DTNA: variants seen among roughly 807,000 people sequenced by gnomAD.
DTNA encodes dystrobrevin alpha, also known as dystrophin-related protein 3.
A neutral mutation model predicts 100.7 loss-of-function variants in DTNA; 43 were observed. That is an observed-to-expected ratio of 0.43 (90% CI 0.33 to 0.55). The LOEUF is 0.55. Among genes scored for constraint, DTNA ranks in the 20% least tolerant of loss-of-function variants. DTNA has a pLI of 0.04. For missense variants in DTNA, 798 were observed against 953.9 expected (o/e 0.84, Z 2.15); for synonymous variants, 349 against 347.9 (o/e 1.00, Z -0.04).
intron 1 of DTNA, among the ~76,000 whole-genome samples, chr18:34,583,355 C>T (rs531131709): frequency 6.6e-6 from 1 of 152,192 alleles, no homozygotes; most frequent in Admixed American, 6.5e-5. Flanking sequence ...CACACAACTG[C>T]TGAATTTGGT....
intron 1 of DTNA, among the ~76,000 whole-genome samples, chr18:34,609,358 C>A (rs964772726): frequency 7.9e-5 from 12 of 151,564 alleles, no homozygotes; most frequent in Non-Finnish European, 1.3e-4. Flanking sequence ...GATTCTCCTG[C>A]CTCAGCCTCC....
At chr18:34,764,738 C>T (rs554938188) in intron 2 of DTNA, among the ~76,000 whole-genome samples, 9 of 152,320 alleles carry the variant, frequency 5.9e-5, no homozygotes, top group African/African-American at 1.9e-4. Context: ...CTAATATAAT[C>T]GCTTCCAGGA....
intron 1 of DTNA, among the ~76,000 whole-genome samples, chr18:34,537,445 G>A (rs537820802): frequency 6.6e-6 from 1 of 151,652 alleles, no homozygotes; most frequent in African/African-American, 2.4e-5. Context: ...TAAGGAAATT[G>A]TATTGTATTA....
At chr18:34,593,375 C>T (rs2049958313) in intron 1 of DTNA, 1 of 152,194 alleles carries the variant, frequency 6.6e-6, no homozygotes, top group African/African-American at 2.4e-5. Flanking sequence ...GGATTTCATA[C>T]TCATAGCTCT....
At chr18:34,621,454 G>T (rs2056487542) in intron 1 of DTNA, among the ~76,000 whole-genome samples, 1 of 152,028 alleles carries the variant, frequency 6.6e-6, no homozygotes, top group Admixed American at 6.6e-5. Flanking sequence ...ATGGATGAAT[G>T]GATAAATGTG....
chr18:34,523,472 G>A (rs1281921437), intron 1 of DTNA, among the ~76,000 whole-genome samples: 4 of 152,238 alleles, frequency 2.6e-5, no homozygotes, highest in Non-Finnish European at 5.9e-5. Context: ...ATTAAAAAGT[G>A]TGCAGATTAC....
intron 1 of DTNA, among the ~76,000 whole-genome samples, chr18:34,612,075 C>T (rs1435989260): frequency 4.6e-5 from 7 of 152,202 alleles, no homozygotes; most frequent in Admixed American, 1.3e-4. Context: ...CCAGCTGACA[C>T]GGGCCACCGC....
chr18:34,592,103 C>T (rs1263534985), intron 1 of DTNA, among the ~76,000 whole-genome samples: 1 of 152,146 alleles, frequency 6.6e-6, no homozygotes, highest in Non-Finnish European at 1.5e-5. Context: ...ACCCTGAGCC[C>T]AGCCAGCTGA....
chr18:34,812,636 T>C (rs1443069403), intron 6 of DTNA, among the ~76,000 whole-genome samples: 1 of 152,028 alleles, frequency 6.6e-6, no homozygotes, highest in East Asian at 1.9e-4. Context: ...GAAAACAGCA[T>C]GGGGGAACCA....
intron 3 of DTNA, among the ~76,000 whole-genome samples, chr18:34,783,579 C>T (rs991251028): frequency 3.3e-5 from 5 of 152,184 alleles, no homozygotes; most frequent in East Asian, 1.9e-4. Context: ...AGCATAAAAA[C>T]GCCTAGTGAG....
At chr18:34,794,372 AC>A (rs1188885706) in intron 4 of DTNA, 122 bp downstream of exon 4, 1 of 1,091,082 alleles carries the variant, frequency 9.2e-7, no homozygotes, top group African/African-American at 1.6e-5. Flanking sequence ...CTTTTTTCTT[AC>A]AGTGGATGCT....
At chr18:34,770,421 A>G (rs1013924346) in intron 3 of DTNA, among the ~76,000 whole-genome samples, 6 of 152,166 alleles carry the variant, frequency 3.9e-5, no homozygotes. Context: ...TTTTTTATCT[A>G]TTATCTAAAT....
At chr18:34,842,695 C>A (rs2096291401) in intron 13 of DTNA, among the ~76,000 whole-genome samples, 1 of 152,180 alleles carries the variant, frequency 6.6e-6, no homozygotes, top group Non-Finnish European at 1.5e-5. Context: ...CATTTCACCC[C>A]TACTATATGC....
chr18:34,830,264 G>A (rs2095973793), intron 11 of DTNA, among the ~76,000 whole-genome samples: 1 of 151,598 alleles, frequency 6.6e-6, no homozygotes, highest in African/African-American at 2.4e-5. Context: ...GTCAGTATAG[G>A]GCAGCACCGA....
chr18:34,534,320 T>G (rs2043462769), intron 1 of DTNA, among the ~76,000 whole-genome samples: 3 of 152,210 alleles, frequency 2.0e-5, no homozygotes, highest in Admixed American at 1.3e-4. Flanking sequence ...TCACTTAAAA[T>G]AGTATTTTTT....
rs755754845 is a variant in DTNA, at chr18:34,890,253, G to A, written c.*2519G>A. ...CATTGCAAGGACTCTGGAAACTGCC[G>A]CCAATGACCAATTTCTGACTAACCA... On this transcript the variant is annotated 3_prime_UTR_variant, in exon 23 of 23. Transcript: ENST00000444659. The A allele has an allele frequency of 2.9e-5, 44 of 1,516,566 alleles. No homozygotes were observed. The highest frequency in any genetic ancestry group is 2.0e-4 in the East Asian group (8 of 40,692). 93.9% of individuals were successfully genotyped at this position (1,516,566 alleles called of 1,614,324 possible).
chr18:34,842,218 C>A (rs1251343004), intron 13 of DTNA, among the ~76,000 whole-genome samples: 5 of 152,124 alleles, frequency 3.3e-5, no homozygotes, highest in Non-Finnish European at 4.4e-5. Flanking sequence ...TGATTAGACT[C>A]CTGATGTCAT....
intron 5 of DTNA, among the ~76,000 whole-genome samples, chr18:34,806,843 G>A (rs1291537304): frequency 6.6e-6 from 1 of 152,204 alleles, no homozygotes; most frequent in African/African-American, 2.4e-5. Context: ...AAAGTACATT[G>A]AGTAATTGTG....
chr18:34,516,968 T>C (rs1435193094), intron 1 of DTNA, among the ~76,000 whole-genome samples: 1 of 151,428 alleles, frequency 6.6e-6, no homozygotes, highest in Non-Finnish European at 1.5e-5. Flanking sequence ...AAGTGATAAA[T>C]GTCCACGAAA....
Sources: allele counts gnomAD v4.1 joint callset (sites outside exome capture counted in the v4.1 genomes callset), GRCh38; gene constraint gnomAD v4.1.1; transcripts MANE v1.5; gene names NCBI Gene and HGNC (gene_info 2026-07-23, HGNC 2026-07-21).